The following ROBO2 variants were observed in gnomAD, a reference collection of about 807,000 sequenced individuals.
ROBO2 encodes the protein roundabout guidance receptor 2.
ROBO2 carries 53 observed loss-of-function variants against 160.8 expected under a neutral mutation model. That is an observed-to-expected ratio of 0.33 (90% CI 0.26 to 0.41). ROBO2 has a LOEUF of 0.41. Ranked by LOEUF, ROBO2 falls within the 10% of genes least tolerant of loss-of-function variation. The pLI is 1.00. For synonymous variants in ROBO2, 664 were observed against 611.7 expected (o/e 1.09, Z -1.26); for missense variants, 1,577 against 1,722.4 (o/e 0.92, Z 1.49).
intron 2 of ROBO2, among the ~76,000 whole-genome samples, chr3:76,982,181 C>T (rs1005669544): frequency 1.3e-5 from 2 of 152,096 alleles, no homozygotes; most frequent in East Asian, 3.8e-4. Flanking sequence ...AAGATTTACC[C>T]CTATGTTTTC....
At chr3:76,869,659 T>C (rs2071815635) in intron 2 of ROBO2, among the ~76,000 whole-genome samples, 1 of 152,138 alleles carries the variant, frequency 6.6e-6, no homozygotes, top group South Asian at 2.1e-4. Flanking sequence ...GATCTTTTTT[T>C]AGTATTGGAA....
At position 77,641,471 on chromosome 3, in the gene ROBO2, T is replaced by C. The variant is rs1025573346; in HGVS notation, c.3935-3233T>C. ...TCTTTTGTCTACAAGAAATTTATAC[T>C]TTTTCCTTCTAAATTTCACAAACAG... is the stretch of plus-strand genomic sequence containing the variant. On this transcript the variant is annotated intron_variant, in intron 24 of 25. Coordinates refer to ENST00000461745, the Ensembl canonical transcript of ROBO2. Among the ~76,000 whole-genome samples the C allele has an allele frequency of 3.3e-5, 5 of 152,206 alleles. No individual in the cohort carries two copies. In the East Asian group the frequency reaches 9.6e-4, roughly 29 times the overall value.
intron 2 of ROBO2, among the ~76,000 whole-genome samples, chr3:76,107,080 C>T (rs2069971788): frequency 6.6e-6 from 1 of 152,068 alleles, no homozygotes; most frequent in Non-Finnish European, 1.5e-5. Flanking sequence ...TTCTGCATCA[C>T]ATTTGTATAG....
intron 2 of ROBO2, among the ~76,000 whole-genome samples, chr3:77,471,357 G>A (rs1364944540): frequency 6.6e-6 from 1 of 152,172 alleles, no homozygotes; most frequent in East Asian, 1.9e-4. Flanking sequence ...TAAAATCACA[G>A]CTGGACATAA....
At chr3:77,403,787 T>C (rs553018019) in intron 2 of ROBO2, among the ~76,000 whole-genome samples, 7 of 152,210 alleles carry the variant, frequency 4.6e-5, no homozygotes, top group Non-Finnish European at 1.0e-4. Context: ...TTGGATCATA[T>C]GGAACATTTC....
intron 2 of ROBO2, among the ~76,000 whole-genome samples, chr3:76,278,673 A>G (rs1708068934): frequency 6.6e-6 from 1 of 152,026 alleles, no homozygotes; most frequent in Non-Finnish European, 1.5e-5. Context: ...TTTTGTGATG[A>G]TGGATCTGAA....
At chr3:77,544,379 T>TG (rs34183412) in intron 6 of ROBO2, among the ~76,000 whole-genome samples, 21,514 of 152,094 alleles carry the variant, frequency 0.14, 1,715 homozygotes, top group South Asian at 0.17. Context: ...TTCATAAATC[T>TG]GGGTTTTCCA....
chr3:77,361,089 G>T (rs551771278), intron 2 of ROBO2, among the ~76,000 whole-genome samples: 1 of 152,226 alleles, frequency 6.6e-6, no homozygotes, highest in Non-Finnish European at 1.5e-5. Context: ...CTCATGCCTA[G>T]TTAGTACTTC....
At chr3:77,347,575 G>A (rs73110266) in intron 2 of ROBO2, among the ~76,000 whole-genome samples, 23,211 of 151,780 alleles carry the variant, frequency 0.15, 2,033 homozygotes, top group Middle Eastern at 0.23. Context: ...CTTAAGCCAC[G>A]TCTAAAATTC....
chr3:76,605,438 T>C (rs891771875), intron 2 of ROBO2, among the ~76,000 whole-genome samples: 11 of 152,068 alleles, frequency 7.2e-5, no homozygotes, highest in African/African-American at 2.7e-4. Flanking sequence ...GAAATTGAGC[T>C]AGAAAACATT....
intron 2 of ROBO2, among the ~76,000 whole-genome samples, chr3:76,216,996 A>T (rs1703583981): frequency 6.6e-6 from 1 of 152,232 alleles, no homozygotes; most frequent in African/African-American, 2.4e-5. Context: ...AGAACTCAGG[A>T]TTAAGAAACT....
At chr3:76,558,094 C>A (rs893125663) in intron 2 of ROBO2, among the ~76,000 whole-genome samples, 2 of 151,980 alleles carry the variant, frequency 1.3e-5, no homozygotes, top group African/African-American at 4.8e-5. Context: ...TCAAGATAAA[C>A]CCAGCTAGGA....
intron 2 of ROBO2, among the ~76,000 whole-genome samples, chr3:76,051,160 A>G (rs2067641928): frequency 6.6e-6 from 1 of 152,046 alleles, no homozygotes; most frequent in South Asian, 2.1e-4. Context: ...TTATGCACTT[A>G]TTTAGTGCCT....
At chr3:76,341,878 A>G (rs529945370) in intron 2 of ROBO2, among the ~76,000 whole-genome samples, 100 of 152,282 alleles carry the variant, frequency 6.6e-4, no homozygotes, top group Admixed American at 2.1e-3. Context: ...ATCTTTCACT[A>G]TGGTGGAGAC....
chr3:77,544,601 G>T (rs1266559554), intron 6 of ROBO2, among the ~76,000 whole-genome samples: 2 of 152,190 alleles, frequency 1.3e-5, no homozygotes, highest in South Asian at 2.1e-4. Flanking sequence ...TAAGGATGAA[G>T]AATTGGTTGC....
At chr3:77,035,662 A>G (rs2063589988), upstream of ROBO2, among the ~76,000 whole-genome samples, 1 of 151,932 alleles carries the variant, frequency 6.6e-6, no homozygotes, top group Admixed American at 6.6e-5. Context: ...TTCAAAATGA[A>G]TCGAATCAAA....
chr3:76,955,221 G>T (rs568397906), intron 2 of ROBO2, among the ~76,000 whole-genome samples: 1 of 152,090 alleles, frequency 6.6e-6, no homozygotes, highest in African/African-American at 2.4e-5. Flanking sequence ...TTACTTGACG[G>T]AATAATATTC....
chr3:77,337,325 A>T (rs905347334), intron 2 of ROBO2, among the ~76,000 whole-genome samples: 7 of 152,168 alleles, frequency 4.6e-5, no homozygotes, highest in Non-Finnish European at 1.0e-4. Context: ...CTTTGCCCTA[A>T]GAAAAATGGC....
intron 2 of ROBO2, among the ~76,000 whole-genome samples, chr3:77,110,390 TTAGA>T (rs977653811): frequency 1.3e-4 from 20 of 152,250 alleles, no homozygotes; most frequent in East Asian, 3.9e-4. Context: ...ATTTGCTGAC[TTAGA>T]TAGTTTCAAA....
Sources: gnomAD v4.1 joint callset for allele counts (sites outside exome capture counted in the v4.1 genomes callset) on GRCh38, gnomAD v4.1.1 for gene constraint, MANE v1.5 for transcripts, NCBI Gene and HGNC (gene_info 2026-07-23, HGNC 2026-07-21) for gene names.